The following SCN11A variants were observed in gnomAD, a reference collection of about 807,000 sequenced individuals.
SCN11A encodes the protein sodium voltage-gated channel alpha subunit 11.
A neutral mutation model predicts 162.2 loss-of-function variants in SCN11A; 122 were observed. That is an observed-to-expected ratio of 0.75 (90% CI 0.65 to 0.87). The LOEUF (loss-of-function observed/expected upper bound fraction) is 0.87. SCN11A is among the 40% of genes least tolerant of loss of function. The probability of loss-of-function intolerance (pLI) is 0.00; values close to 1 mark genes in which losing one functional copy is unlikely to be tolerated. For synonymous variants in SCN11A, 758 were observed against 751.5 expected, an observed-to-expected ratio of 1.01 and a Z score of -0.14; for missense variants, 2,015 against 2,181.6, an observed-to-expected ratio of 0.92 and a Z score of 1.52.
intron 16 of SCN11A, among the ~76,000 whole-genome samples, chr3:38,903,471 C>T (rs2065736498): frequency 6.6e-6 from 1 of 152,120 alleles, no homozygotes; most frequent in Non-Finnish European, 1.5e-5. Context: ...GGGAGAATAA[C>T]ACCTAGTAAT....
At chr3:39,048,093 T>C (rs1230110725) in intron 1 of SCN11A, among the ~76,000 whole-genome samples, 1 of 152,200 alleles carries the variant, frequency 6.6e-6, no homozygotes, top group African/African-American at 2.4e-5. Context: ...CTATTCACAG[T>C]GGCCAAGATA....
At chr3:38,945,869 C>A (rs1239849986) in intron 6 of SCN11A, among the ~76,000 whole-genome samples, 3 of 152,122 alleles carry the variant, frequency 2.0e-5, no homozygotes, top group Admixed American at 2.0e-4. Flanking sequence ...TTTGTTTTCC[C>A]CCCTTCTGCT....
intron 11 of SCN11A, among the ~76,000 whole-genome samples, chr3:38,916,839 G>T (rs372918391): frequency 6.6e-6 from 1 of 152,186 alleles, no homozygotes; most frequent in African/African-American, 2.4e-5. Context: ...TGACTGGAGG[G>T]TGAAGACTAG....
chr3:39,033,162 A>AG (rs1018821219), intron 1 of SCN11A, among the ~76,000 whole-genome samples: 5 of 149,328 alleles, frequency 3.3e-5, no homozygotes, highest in Admixed American at 3.3e-4. Flanking sequence ...TGAAAAAAAA[A>AG]AAAAGAGAGA....
intron 29 of SCN11A, among the ~76,000 whole-genome samples, chr3:38,848,433 T>A (rs759961133): frequency 1.3e-5 from 2 of 152,118 alleles, no homozygotes; most frequent in Non-Finnish European, 2.9e-5. Context: ...TGACCCCTAA[T>A]GACCTTGAGT....
At chr3:38,882,456 T>A (rs887475425) in intron 22 of SCN11A, among the ~76,000 whole-genome samples, 6 of 152,112 alleles carry the variant, frequency 3.9e-5, no homozygotes, top group Non-Finnish European at 8.8e-5. Context: ...AGAATTTGGT[T>A]CCCTATTATT....
chr3:38,987,985 A>G lies in SCN11A; in HGVS notation c.-279-27562T>C, dbSNP rs188918635. 3.7e-3 allele frequency among the ~76,000 whole-genome samples: 564 copies of G among 152,308 alleles called. 1 individual carries two copies. Among genetic ancestry groups the G allele is most frequent in the Non-Finnish European group, 4.6e-3 (316 of 68,020 alleles). On this transcript the variant is annotated intron_variant, in intron 2 of 29. Transcript: ENST00000302328. ...TCAGCCTCAGAATCAAGCGTGAGGG[A>G]AACAGTCATACCGTCCTGCCTCCAG...
chr3:39,006,237 T>G (rs1015623405), intron 2 of SCN11A, among the ~76,000 whole-genome samples: 2 of 152,240 alleles, frequency 1.3e-5, no homozygotes, highest in African/African-American at 4.8e-5. Context: ...TTTGCTTAGT[T>G]TTGCATTGTG....
intron 9 of SCN11A, among the ~76,000 whole-genome samples, chr3:38,924,808 C>A (rs947551474): frequency 6.6e-6 from 1 of 151,976 alleles, no homozygotes; most frequent in Non-Finnish European, 1.5e-5. Context: ...TGTACCCGGC[C>A]CCCCCTTCAC....
chr3:38,948,565 A>T (rs1229489036), intron 5 of SCN11A, among the ~76,000 whole-genome samples: 1 of 152,210 alleles, frequency 6.6e-6, no homozygotes, highest in Non-Finnish European at 1.5e-5. Context: ...GGCTTAAGCC[A>T]CTTTCCCAGC....
At chr3:38,985,667 G>T (rs1455306477) in intron 2 of SCN11A, among the ~76,000 whole-genome samples, 1 of 150,982 alleles carries the variant, frequency 6.6e-6, no homozygotes, top group Non-Finnish European at 1.5e-5. Flanking sequence ...CTTGGATTTT[G>T]GACTGAACAA....
intron 1 of SCN11A, among the ~76,000 whole-genome samples, chr3:39,039,071 A>G (rs1458445795): frequency 6.6e-6 from 1 of 152,232 alleles, no homozygotes; most frequent in Non-Finnish European, 1.5e-5. Flanking sequence ...ACATCAATCA[A>G]TACCATAACC....
chr3:39,022,578 C>T (rs1451971888), intron 2 of SCN11A, among the ~76,000 whole-genome samples: 1 of 152,118 alleles, frequency 6.6e-6, no homozygotes, highest in Admixed American at 6.6e-5. Context: ...TACTCAGATC[C>T]TGAGTTAAAC....
chr3:38,996,430 A>C (rs1284001876), intron 2 of SCN11A, among the ~76,000 whole-genome samples: 2 of 152,162 alleles, frequency 1.3e-5, no homozygotes, highest in Non-Finnish European at 2.9e-5. Context: ...CATTTATCCA[A>C]TTAGCCTCAT....
chr3:38,947,255 T>C (rs575596739), intron 5 of SCN11A, among the ~76,000 whole-genome samples: 2 of 152,372 alleles, frequency 1.3e-5, no homozygotes, highest in African/African-American at 2.4e-5. Context: ...ATTATTTTGA[T>C]TATTAACGAA....
intron 7 of SCN11A, among the ~76,000 whole-genome samples, chr3:38,932,899 G>A (rs1025513507): frequency 1.2e-4 from 18 of 152,340 alleles, no homozygotes; most frequent in African/African-American, 4.1e-4. Context: ...CTGGAGATCT[G>A]AGAACAGGCA....
chr3:38,909,000 C>T lies in SCN11A; in HGVS notation c.1296G>A (p.Lys432=). ...QEAQQLLKEE[K]EALVAMGIDR... is the part of the protein sequence containing the mutation. ...CTGTCTGACCCCATGTCCCTACCTC[C>T]TTTTCCTCCTTTAACAGCTGCTGGG... Residue 432 remains lysine (K), a synonymous_variant, in exon 13 of 30, where the codon AAG becomes AAA. Coordinates refer to ENST00000302328, the MANE Select transcript of SCN11A (RefSeq NM_001349253.2). The T allele has an allele frequency of 6.2e-7, 1 of 1,612,916 alleles. No homozygotes were observed. The highest frequency in any genetic ancestry group is 1.1e-5 in the South Asian group (1 of 91,030).
In SCN11A at chr3:38,850,754, G is replaced by A; in HGVS notation, c.4057-3C>T. 2 of 1,555,674 alleles carry A rather than the reference G, an allele frequency of 1.3e-6. No homozygotes were observed. The highest frequency in any genetic ancestry group is 2.3e-5 in the East Asian group (1 of 43,478). ...AACACGAGACCTTGACATTTGTTCT[G>A]AGAAAAAAAAGAAATTATAAATCAT... is the stretch of plus-strand genomic sequence containing the variant. On this transcript the variant is annotated splice_polypyrimidine_tract_variant and splice_region_variant and intron_variant, in intron 28 of 29. Transcript: ENST00000302328.
At chr3:39,019,006 T>C (rs1302233657) in intron 2 of SCN11A, among the ~76,000 whole-genome samples, 2 of 152,108 alleles carry the variant, frequency 1.3e-5, no homozygotes, top group Non-Finnish European at 2.9e-5. Flanking sequence ...GTTCATAATT[T>C]ACATGATAAT....
Sources: allele counts gnomAD v4.1 joint callset (sites outside exome capture counted in the v4.1 genomes callset), GRCh38; gene constraint gnomAD v4.1.1; transcripts MANE v1.5; gene names NCBI Gene and HGNC (gene_info 2026-07-23, HGNC 2026-07-21).